The following DAW1 variants were observed in gnomAD, a reference collection of about 807,000 sequenced individuals.
DAW1 encodes the protein dynein assembly factor with WD repeat domains 1.
Under a neutral mutation model 56.5 loss-of-function variants are expected in DAW1, and 47 were observed. That is an observed-to-expected ratio of 0.83 (90% confidence interval 0.66 to 1.06). DAW1 has a LOEUF of 1.06. Among genes scored for constraint, DAW1 ranks in the 50% least tolerant of loss-of-function variants. The pLI, the probability that DAW1 is intolerant of heterozygous loss-of-function variation, is 0.00. For missense variants in DAW1, 505 were observed against 499.3 expected (o/e 1.01, Z -0.11); for synonymous variants, 190 against 179.0 (o/e 1.06, Z -0.49).
chr2:227,921,102 G>A (rs1692096055), intron 11 of DAW1, among the ~76,000 whole-genome samples: 5 of 152,152 alleles, frequency 3.3e-5, no homozygotes, highest in African/African-American at 1.2e-4. Flanking sequence ...GTGCATCTTT[G>A]GAAAGAAGCT....
At chr2:227,912,198 A>T (rs1049751990) in intron 10 of DAW1, 20 of 380,018 alleles carry the variant, frequency 5.3e-5, no homozygotes, top group African/African-American at 3.2e-4. Context: ...GTCAACATGT[A>T]TGATGTTATG....
chr2:227,883,592 A>T, intron 1 of DAW1, among the ~76,000 whole-genome samples: 1 of 152,248 alleles, frequency 6.6e-6, no homozygotes, highest in Non-Finnish European at 1.5e-5. Context: ...GTTCACAATG[A>T]TATAAAAAGG....
chr2:227,885,453 A>G (rs907664177), intron 2 of DAW1, 30 bp downstream of exon 2: 5 of 1,547,842 alleles, frequency 3.2e-6, no homozygotes, highest in South Asian at 2.4e-5. Flanking sequence ...CAACAAATAA[A>G]TGTTCACTGG....
chr2:227,902,905 A>C (rs1691579271), intron 6 of DAW1, 97 bp from the exon 7 acceptor site: 6 of 1,247,014 alleles, frequency 4.8e-6, no homozygotes, highest in East Asian at 5.0e-5. Flanking sequence ...AATTAGATGG[A>C]ATCTGGTAAG....
chr2:227,875,183 A>G (rs1028324761), intron 1 of DAW1, among the ~76,000 whole-genome samples: 1 of 152,016 alleles, frequency 6.6e-6, no homozygotes, highest in Admixed American at 6.5e-5. Context: ...TCTCATCTCC[A>G]CATCCACTAA....
In DAW1 at chr2:227,898,406, C is replaced by T. The variant is rs775169112; in HGVS notation, c.540+125C>T. On this transcript the variant is annotated intron_variant, in intron 6 of 12. Transcript: ENST00000309931. ...CACAATCTTGGCTCACTGCAAGCTC[C>T]GCCTCCTGGGTTCATGCCATTCTCC... The T allele has an allele frequency of 2.3e-5, 8 of 355,534 alleles. No individual in the cohort carries two copies. In the South Asian group the frequency reaches 5.8e-4, roughly 26 times the overall value. The allele number at this position is 355,534 out of a possible 1,614,324, so 22.0% of individuals were successfully genotyped here.
intron 1 of DAW1, among the ~76,000 whole-genome samples, chr2:227,873,713 G>A (rs950277477): frequency 1.3e-5 from 2 of 151,978 alleles, no homozygotes; most frequent in Non-Finnish European, 2.9e-5. Context: ...TAATTTTTGA[G>A]ACAGAGTCTT....
At chr2:227,876,184 TA>T (rs1690877457) in intron 1 of DAW1, among the ~76,000 whole-genome samples, 1 of 152,006 alleles carries the variant, frequency 6.6e-6, no homozygotes, top group Admixed American at 6.6e-5. Flanking sequence ...CCAGGCTAAT[TA>T]ATTTTTTTGT....
chr2:227,906,221 A>G lies in DAW1; in HGVS notation c.756-15A>G, dbSNP rs1559310578. 1.9e-6 allele frequency: 3 copies of G among 1,591,022 alleles called. No homozygotes were observed. The highest frequency in any genetic ancestry group is 2.2e-5 in the East Asian group (1 of 44,482). On this transcript the variant is annotated splice_polypyrimidine_tract_variant and intron_variant, in intron 8 of 12. Coordinates refer to ENST00000309931, the MANE Select transcript of DAW1 (RefSeq NM_178821.3). ...AAGATATCTTTCACTAGTTTTAATT[A>G]TTTTTGTGTTGTAGGAAGGTAAATA... is the stretch of plus-strand genomic sequence containing the variant.
intron 8 of DAW1, among the ~76,000 whole-genome samples, chr2:227,905,942 G>C (rs906932725): frequency 6.6e-6 from 1 of 152,126 alleles, no homozygotes; most frequent in African/African-American, 2.4e-5. Flanking sequence ...TTTTAGTAGA[G>C]ACGGGGCTTC....
intron 9 of DAW1, 65 bp downstream of exon 9, chr2:227,906,403 C>A: frequency 9.7e-7 from 1 of 1,025,890 alleles, no homozygotes; most frequent in Non-Finnish European, 1.4e-6. Flanking sequence ...TGTCAGATAT[C>A]CATTGTAACA....
intron 10 of DAW1, among the ~76,000 whole-genome samples, chr2:227,909,994 T>G (rs1401008507): frequency 6.6e-6 from 1 of 152,196 alleles, no homozygotes; most frequent in Non-Finnish European, 1.5e-5. Context: ...TACCCACATA[T>G]GACATTATAC....
At chr2:227,910,956 A>G (rs1421864674) in intron 10 of DAW1, among the ~76,000 whole-genome samples, 2 of 151,906 alleles carry the variant, frequency 1.3e-5, no homozygotes, top group African/African-American at 2.4e-5. Flanking sequence ...CATCCATGAG[A>G]CCCTGATGTC....
At chr2:227,918,908 G>T in intron 11 of DAW1, 52 bp downstream of exon 11, 1 of 1,579,602 alleles carries the variant, frequency 6.3e-7, no homozygotes, top group Non-Finnish European at 8.7e-7. Flanking sequence ...AAAATAAAGA[G>T]CAGGGCCCAG....
At chr2:227,918,017 A>G (rs183134273) in intron 10 of DAW1, among the ~76,000 whole-genome samples, 1 of 152,328 alleles carries the variant, frequency 6.6e-6, no homozygotes, top group East Asian at 1.9e-4. Flanking sequence ...GTTTTCTTCT[A>G]ACAAAAATTT....
intron 10 of DAW1, among the ~76,000 whole-genome samples, chr2:227,918,183 C>CCAT (rs1553604209): frequency 0.025 from 2,713 of 108,044 alleles, 41 homozygotes; most frequent in Middle Eastern, 0.1. Context: ...ATCCATCCAT[C>CCAT]CATCCATCCA....
chr2:227,906,069 G>C (rs986715445), intron 8 of DAW1, among the ~76,000 whole-genome samples, 167 bp from the exon 9 acceptor site: 1 of 152,050 alleles, frequency 6.6e-6, no homozygotes. Flanking sequence ...TGAAATTATT[G>C]GTAGCTTCTT....
intron 4 of DAW1, among the ~76,000 whole-genome samples, chr2:227,891,825 A>C (rs1691273204): frequency 6.6e-6 from 1 of 152,208 alleles, no homozygotes; most frequent in Non-Finnish European, 1.5e-5. Context: ...CTTCCATAAT[A>C]AGGTAGCACA....
intron 8 of DAW1, among the ~76,000 whole-genome samples, chr2:227,905,631 G>C (rs1231179187): frequency 6.6e-6 from 1 of 152,196 alleles, no homozygotes; most frequent in Non-Finnish European, 1.5e-5. Flanking sequence ...CACTCACCCG[G>C]TGTAAGACTA....
Sources: allele counts gnomAD v4.1 joint callset (sites outside exome capture counted in the v4.1 genomes callset), GRCh38; gene constraint gnomAD v4.1.1; transcripts MANE v1.5; gene names NCBI Gene and HGNC (gene_info 2026-07-23, HGNC 2026-07-21).